Variants in PPARGC1A observed in about 807,000 individuals in gnomAD.
PPARGC1A encodes the protein peroxisome proliferator-activated receptor gamma coactivator 1-alpha.
Under a neutral mutation model 88.7 loss-of-function variants are expected in PPARGC1A, and 25 were observed. The observed-to-expected ratio is 0.28, with a 90% CI of 0.21 to 0.39. The LOEUF is 0.39. PPARGC1A is among the 10% of genes least tolerant of loss of function. The probability of loss-of-function intolerance (pLI) is 1.00; values close to 1 mark genes in which losing one functional copy is unlikely to be tolerated. For missense variants in PPARGC1A, 880 were observed against 968.7 expected (o/e 0.91, Z 1.22); for synonymous variants, 363 against 355.6 (o/e 1.02, Z -0.24).
At chr4:24,051,671 A>T in the PPARGC1A span, among the ~76,000 whole-genome samples, 1 of 152,186 alleles carries the variant, frequency 6.6e-6, no homozygotes, top group African/African-American at 2.4e-5. Context: ...AGTGTCTGGC[A>T]GGCATGTAAG....
chr4:24,140,805 T>A, the PPARGC1A span, among the ~76,000 whole-genome samples: 1 of 152,178 alleles, frequency 6.6e-6, no homozygotes, highest in African/African-American at 2.4e-5. Flanking sequence ...AATGTGCTTA[T>A]CCTCAGAAAC....
the PPARGC1A span, among the ~76,000 whole-genome samples, chr4:24,181,795 A>C: frequency 1.3e-5 from 2 of 152,200 alleles, no homozygotes; most frequent in Non-Finnish European, 2.9e-5. Flanking sequence ...ATCAAGCAAG[A>C]AAATCTAACT....
chr4:24,444,984 G>A, the PPARGC1A span, among the ~76,000 whole-genome samples: 6 of 152,006 alleles, frequency 3.9e-5, no homozygotes, highest in Non-Finnish European at 7.4e-5. Flanking sequence ...CCCAGGAGGT[G>A]GAGGTTGCAG....
the PPARGC1A span, among the ~76,000 whole-genome samples, chr4:24,202,731 T>C: frequency 1.3e-5 from 2 of 152,098 alleles, no homozygotes; most frequent in African/African-American, 2.4e-5. Context: ...GCCAGGCCCC[T>C]CCAAGCAAGC....
At chr4:24,301,147 G>A in the PPARGC1A span, among the ~76,000 whole-genome samples, 2 of 152,106 alleles carry the variant, frequency 1.3e-5, no homozygotes, top group Non-Finnish European at 2.9e-5. Context: ...AATCATGTAT[G>A]AGCCCATTAA....
At chr4:23,812,498 G>A (rs1721103024) in intron 10 of PPARGC1A, among the ~76,000 whole-genome samples, 1 of 152,000 alleles carries the variant, frequency 6.6e-6, no homozygotes, top group Non-Finnish European at 1.5e-5. Flanking sequence ...CAAAACAGAA[G>A]GTGAAAACAG....
At chr4:24,434,059 C>A in the PPARGC1A span, among the ~76,000 whole-genome samples, 1 of 152,196 alleles carries the variant, frequency 6.6e-6, no homozygotes, top group African/African-American at 2.4e-5. Context: ...GCCCTGAATT[C>A]TTTTCTGATC....
chr4:24,207,015 G>A, the PPARGC1A span, among the ~76,000 whole-genome samples: 1 of 151,802 alleles, frequency 6.6e-6, no homozygotes, highest in African/African-American at 2.4e-5. Flanking sequence ...TACTTCCTTT[G>A]AATCACAATG....
At chr4:24,008,156 G>A in the PPARGC1A span, among the ~76,000 whole-genome samples, 1 of 152,180 alleles carries the variant, frequency 6.6e-6, no homozygotes, top group African/African-American at 2.4e-5. Flanking sequence ...GCCCAGCTGG[G>A]AAGCTATTTG....
chr4:23,926,154 A>G, the PPARGC1A span, among the ~76,000 whole-genome samples: 1 of 152,064 alleles, frequency 6.6e-6, no homozygotes, highest in African/African-American at 2.4e-5. Flanking sequence ...ATTGCCTCTC[A>G]TGGCTTTAAC....
the PPARGC1A span, among the ~76,000 whole-genome samples, chr4:24,399,791 C>CTTT: frequency 7.1e-6 from 1 of 141,620 alleles, no homozygotes; most frequent in African/African-American, 2.6e-5. Flanking sequence ...AAGGAATCTC[C>CTTT]TTTTTTTTTT....
upstream of PPARGC1A, among the ~76,000 whole-genome samples, chr4:23,893,150 G>A (rs751460256): frequency 6.7e-6 from 1 of 150,170 alleles, no homozygotes; most frequent in Non-Finnish European, 1.5e-5. Context: ...GTAGAGGCAG[G>A]AGAATCTATC....
the PPARGC1A span, among the ~76,000 whole-genome samples, chr4:24,332,994 C>A: frequency 6.6e-6 from 1 of 152,202 alleles, no homozygotes; most frequent in African/African-American, 2.4e-5. Flanking sequence ...GTAATCCCAG[C>A]ACTTCGGGAG....
At chr4:23,894,648 G>A (rs1718306760), upstream of PPARGC1A, among the ~76,000 whole-genome samples, 1 of 152,046 alleles carries the variant, frequency 6.6e-6, no homozygotes, top group Non-Finnish European at 1.5e-5. Context: ...CGGCTCTATG[G>A]AACTGAGTCA....
chr4:24,025,973 T>C, the PPARGC1A span, among the ~76,000 whole-genome samples: 2 of 152,340 alleles, frequency 1.3e-5, no homozygotes, highest in Admixed American at 6.5e-5. Flanking sequence ...TGTTTGTAAA[T>C]GTGTGGTCCA....
At chr4:24,111,473 G>T in the PPARGC1A span, among the ~76,000 whole-genome samples, 1 of 152,164 alleles carries the variant, frequency 6.6e-6, no homozygotes, top group Non-Finnish European at 1.5e-5. Flanking sequence ...CTTGCTACCA[G>T]ATTGTTAATA....
At position 23,883,647 on chromosome 4, in the gene PPARGC1A, G is replaced by T. The variant is rs559267084; in HGVS notation, c.234+1105C>A. On this transcript the variant is annotated intron_variant, in intron 2 of 12. Coordinates refer to ENST00000264867, the MANE Select transcript of PPARGC1A (RefSeq NM_013261.5). The stretch of plus-strand genomic sequence containing the variant: ...ATAGGTTGTTTTCAAGGATAAGTGA[G>T]ATGACATATATTAAGCATGAGTATA... The T allele has an allele frequency of 2.6e-5, 4 of 152,296 alleles. No homozygotes were observed. In the South Asian group the frequency reaches 8.3e-4, roughly 32 times the overall value. 9.4% of individuals were successfully genotyped at this position (152,296 alleles called of 1,614,324 possible).
chr4:24,390,542 G>A, the PPARGC1A span, among the ~76,000 whole-genome samples: 3 of 151,946 alleles, frequency 2.0e-5, no homozygotes, highest in Admixed American at 6.6e-5. Flanking sequence ...GTATACTTAT[G>A]TACATTACCT....
the PPARGC1A span, among the ~76,000 whole-genome samples, chr4:24,360,444 C>T: frequency 1.3e-5 from 2 of 152,086 alleles, no homozygotes; most frequent in Non-Finnish European, 2.9e-5. Flanking sequence ...CTCCCTCATC[C>T]TGTCTTTCAT....
Sources: allele counts gnomAD v4.1 joint callset (sites outside exome capture counted in the v4.1 genomes callset), GRCh38; gene constraint gnomAD v4.1.1; transcripts MANE v1.5; gene names NCBI Gene and HGNC (gene_info 2026-07-23, HGNC 2026-07-21).